Variants in CCDC3 observed in about 807,000 individuals in gnomAD.
CCDC3 encodes coiled-coil domain containing 3, also known as coiled-coil domain-containing protein 3.
A neutral mutation model predicts 21.4 loss-of-function variants in CCDC3; 24 were observed. That is an observed-to-expected ratio of 1.12 (90% confidence interval 0.81 to 1.58). The LOEUF (loss-of-function observed/expected upper bound fraction) is 1.58, where lower values mean the gene tolerates loss of function less well. Among genes scored for constraint, CCDC3 ranks in the 40% most tolerant of loss-of-function variants. The pLI, the probability that CCDC3 is intolerant of heterozygous loss-of-function variation, is 0.00. For missense variants in CCDC3, 425 were observed against 360.9 expected (o/e 1.18, Z -1.44); for synonymous variants, 186 against 166.0 (o/e 1.12, Z -0.93).
At chr10:13,058,270 A>G (rs1836708309) in intron 4 of CCDC3, 20 of 1,369,664 alleles carry the variant, frequency 1.5e-5, no homozygotes, top group Admixed American at 1.2e-4. Context: ...CTGGCTGACC[A>G]TCAATGCTTT....
intron 2 of CCDC3, among the ~76,000 whole-genome samples, chr10:12,950,344 G>C (rs17152557): frequency 6.6e-6 from 1 of 152,132 alleles, no homozygotes; most frequent in South Asian, 2.1e-4. Flanking sequence ...AGCACCCTCC[G>C]GAAAGCAGTT....
At chr10:13,004,893 C>G (rs1226146712), upstream of CCDC3, among the ~76,000 whole-genome samples, 1 of 152,074 alleles carries the variant, frequency 6.6e-6, no homozygotes, top group Non-Finnish European at 1.5e-5. Context: ...AAGAACTTCC[C>G]CTCCACTGAA....
chr10:13,080,281 A>T (rs2131446642), intron 3 of CCDC3, among the ~76,000 whole-genome samples: 1 of 152,262 alleles, frequency 6.6e-6, no homozygotes, highest in East Asian at 1.9e-4. Flanking sequence ...CAATGATCAG[A>T]GAAAGACACA....
chr10:13,059,737 C>T (rs914030066), intron 4 of CCDC3, among the ~76,000 whole-genome samples: 1 of 152,184 alleles, frequency 6.6e-6, no homozygotes, highest in Non-Finnish European at 1.5e-5. Context: ...CCGATGGCCT[C>T]ATTTCTCTTG....
intron 2 of CCDC3, among the ~76,000 whole-genome samples, chr10:12,919,137 A>T (rs1041735353): frequency 6.6e-6 from 1 of 152,228 alleles, no homozygotes; most frequent in Non-Finnish European, 1.5e-5. Flanking sequence ...TAAAATGCCC[A>T]CATAATTATT....
intron 3 of CCDC3, among the ~76,000 whole-genome samples, chr10:13,081,060 G>T (rs1315899923): frequency 6.6e-6 from 1 of 151,444 alleles, no homozygotes; most frequent in Non-Finnish European, 1.5e-5. Flanking sequence ...GATATGCAAA[G>T]TCCTAACAAA....
rs544377189 is a variant in CCDC3, at chr10:12,953,945, A to T, written c.549+44393T>A. Reference sequence around the variant, plus strand: ...ACTCAACCATGACTCTGTAGCACAAAGGCAGCCACTGACAAGGACAATTAG... The same window carrying T: ...ACTCAACCATGACTCTGTAGCACAATGGCAGCCACTGACAAGGACAATTAG... On this transcript the variant is annotated intron_variant, in intron 2 of 2. Coordinates refer to ENST00000378825, the MANE Select transcript of CCDC3 (RefSeq NM_031455.4). Among the ~76,000 whole-genome samples, 8 of 152,342 alleles carry T rather than the reference A, an allele frequency of 5.3e-5. No homozygotes were observed. In the South Asian group the frequency reaches 1.4e-3, roughly 28 times the overall value.
chr10:12,950,827 G>C (rs903219356), intron 2 of CCDC3, among the ~76,000 whole-genome samples: 3 of 152,166 alleles, frequency 2.0e-5, no homozygotes, highest in African/African-American at 7.2e-5. Flanking sequence ...CAGACTCTGT[G>C]AGGAAGATAT....
chr10:12,934,087 T>A (rs1202605328), intron 2 of CCDC3, among the ~76,000 whole-genome samples: 1 of 152,210 alleles, frequency 6.6e-6, no homozygotes, highest in Non-Finnish European at 1.5e-5. Context: ...GCTATAAAAT[T>A]TTCTGTTAAG....
intron 2 of CCDC3, among the ~76,000 whole-genome samples, chr10:12,946,535 C>T (rs1834918939): frequency 6.6e-6 from 1 of 152,144 alleles, no homozygotes; most frequent in Non-Finnish European, 1.5e-5. Flanking sequence ...CTAATCAGGT[C>T]ATTTCTCTAC....
At chr10:12,939,419 T>C (rs553917231) in intron 2 of CCDC3, among the ~76,000 whole-genome samples, 1 of 152,186 alleles carries the variant, frequency 6.6e-6, no homozygotes, top group Non-Finnish European at 1.5e-5. Context: ...TCTCAAGAGT[T>C]TGAGACCATC....
chr10:13,083,324 C>G (rs1035369161), intron 3 of CCDC3, among the ~76,000 whole-genome samples: 3 of 152,132 alleles, frequency 2.0e-5, no homozygotes, highest in African/African-American at 7.2e-5. Context: ...ATAGCTAGAA[C>G]AAGACATGTT....
chr10:12,906,711 A>G (rs1251296734), intron 2 of CCDC3, among the ~76,000 whole-genome samples: 3 of 152,158 alleles, frequency 2.0e-5, no homozygotes, highest in Admixed American at 6.5e-5. Flanking sequence ...CATGTATACA[A>G]TGGGCCTAAT....
intron 2 of CCDC3, among the ~76,000 whole-genome samples, chr10:12,957,035 T>A (rs937568344): frequency 2.0e-5 from 3 of 152,196 alleles, no homozygotes; most frequent in Admixed American, 1.3e-4. Flanking sequence ...AATTCAGGAG[T>A]GTCTTTTTCA....
At chr10:12,912,967 C>G (rs2131206037) in intron 2 of CCDC3, among the ~76,000 whole-genome samples, 1 of 152,294 alleles carries the variant, frequency 6.6e-6, no homozygotes, top group Admixed American at 6.5e-5. Context: ...TGGTAGATTT[C>G]TATTTTTAGG....
chr10:13,001,324 A>G lies in CCDC3; in HGVS notation c.247T>C (p.Cys83Arg). The change falls in exon 1 of 3, where the codon TGC (cysteine) becomes CGC (arginine). Residue 83 changes from cysteine (C) to arginine (R), a missense_variant. By Grantham distance (180) the Cys-to-Arg change is radical. Transcript: ENST00000378825. ...AGCATGCTGCCCCACGCCTGGTCGCACAGCATCTCGACCTCGGCCGAGTAG... is the reference window on the plus strand; with the variant it reads ...AGCATGCTGCCCCACGCCTGGTCGCGCAGCATCTCGACCTCGGCCGAGTAG... ...LFYSAEVEML[C>R]DQAWGSMLEV... The G allele has an allele frequency of 6.8e-6, 11 of 1,606,154 alleles. No homozygotes were observed. The highest frequency in any genetic ancestry group is 9.3e-6 in the Non-Finnish European group (11 of 1,177,584).
intron 5 of CCDC3, among the ~76,000 whole-genome samples, chr10:13,026,382 T>G (rs986172163): frequency 1.3e-5 from 2 of 152,142 alleles, no homozygotes; most frequent in African/African-American, 4.8e-5. Flanking sequence ...ACTACAGAAA[T>G]TAATTCTAAA....
At chr10:13,009,645 G>T (rs1421898265) in intron 5 of CCDC3, among the ~76,000 whole-genome samples, 1 of 152,170 alleles carries the variant, frequency 6.6e-6, no homozygotes, top group Admixed American at 6.5e-5. Context: ...TTAAAAAGCT[G>T]CAGAGATAAT....
At chr10:12,995,484 C>T (rs974307614) in intron 2 of CCDC3, among the ~76,000 whole-genome samples, 2 of 152,282 alleles carry the variant, frequency 1.3e-5, no homozygotes, top group Middle Eastern at 3.4e-3. Context: ...TCAAGTGATC[C>T]GCCGACCTCG....
Sources: gnomAD v4.1 joint callset for allele counts (sites outside exome capture counted in the v4.1 genomes callset) on GRCh38, gnomAD v4.1.1 for gene constraint, MANE v1.5 for transcripts, NCBI Gene and HGNC (gene_info 2026-07-23, HGNC 2026-07-21) for gene names.